The following PPFIA2 variants were observed in gnomAD, a reference collection of about 807,000 sequenced individuals.
PPFIA2 encodes the protein liprin-alpha-2.
In PPFIA2, 46 loss-of-function variants were observed where a neutral mutation model predicts 175.5. The ratio of observed to expected loss-of-function variants is 0.26; its 90% confidence interval spans 0.21 to 0.34. The LOEUF is 0.34. Ranked by LOEUF, PPFIA2 falls within the 10% of genes least tolerant of loss-of-function variation. The pLI is 1.00. For synonymous variants in PPFIA2, 568 were observed against 511.4 expected (o/e 1.11, Z -1.49); for missense variants, 1,179 against 1,506.1 (o/e 0.78, Z 3.60).
At chr12:81,439,942 C>T in intron 7 of PPFIA2, 30 bp downstream of exon 7, 2 of 1,577,870 alleles carry the variant, frequency 1.3e-6, no homozygotes, top group Non-Finnish European at 1.7e-6. Context: ...GATATTGCAC[C>T]TCAAAAGAGG....
chr12:81,710,180 T>C (rs957904385), intron 3 of PPFIA2, among the ~76,000 whole-genome samples: 1 of 151,950 alleles, frequency 6.6e-6, no homozygotes, highest in Admixed American at 6.6e-5. Context: ...ATTTTATATA[T>C]CTTGGGGCAT....
Position 81,357,073 on chromosome 12 carries a change from T to C in PPFIA2, c.1773+1009A>G, listed in dbSNP as rs1008552795. Among the ~76,000 whole-genome samples the C allele has an allele frequency of 3.9e-5, 6 of 152,166 alleles. No homozygotes were observed. In the East Asian group the frequency reaches 7.7e-4, roughly 20 times the overall value. ...ATTGGTTTTTATTTTTGTGATCATA[T>C]AAAATGATTTCTATGGAAGACCACA... On this transcript the variant is annotated intron_variant, in intron 16 of 32. Transcript: ENST00000549396.
intron 4 of PPFIA2, among the ~76,000 whole-genome samples, chr12:81,530,673 A>C (rs1448929041): frequency 1.3e-5 from 2 of 151,738 alleles, no homozygotes; most frequent in Non-Finnish European, 2.9e-5. Context: ...TCAGCTGAAG[A>C]GGGTACAGTC....
chr12:81,744,974 G>A (rs1243545135), intron 3 of PPFIA2, among the ~76,000 whole-genome samples: 2 of 151,764 alleles, frequency 1.3e-5, no homozygotes, highest in East Asian at 3.9e-4. Context: ...AGCCTCATTG[G>A]AATGTTCGGA....
intron 14 of PPFIA2, among the ~76,000 whole-genome samples, chr12:81,365,331 G>T (rs2032822743): frequency 6.6e-6 from 1 of 151,712 alleles, no homozygotes; most frequent in African/African-American, 2.4e-5. Flanking sequence ...CATCTAAATG[G>T]GATGATAGTT....
chr12:81,481,494 C>T (rs1224123797), intron 4 of PPFIA2, among the ~76,000 whole-genome samples: 2 of 152,116 alleles, frequency 1.3e-5, no homozygotes, highest in African/African-American at 2.4e-5. Context: ...GCAAACGATG[C>T]TACAAGGCTA....
intron 4 of PPFIA2, among the ~76,000 whole-genome samples, chr12:81,574,301 C>T (rs147988735): frequency 6.6e-6 from 1 of 151,678 alleles, no homozygotes; most frequent in Non-Finnish European, 1.5e-5. Flanking sequence ...TATTTAATAG[C>T]AAAAGATGAT....
chr12:81,351,590 C>T (rs548879327), intron 17 of PPFIA2, among the ~76,000 whole-genome samples: 68 of 152,046 alleles, frequency 4.5e-4, no homozygotes, highest in Admixed American at 2.5e-3. Context: ...ATTAAACAGC[C>T]ACAAGCACTA....
chr12:81,621,921 G>A (rs927415565), intron 4 of PPFIA2, among the ~76,000 whole-genome samples: 2 of 152,154 alleles, frequency 1.3e-5, no homozygotes, highest in African/African-American at 2.4e-5. Context: ...GGAATCCTCA[G>A]TATATAGACT....
At chr12:81,620,724 T>C (rs987633775) in intron 4 of PPFIA2, among the ~76,000 whole-genome samples, 1 of 152,180 alleles carries the variant, frequency 6.6e-6, no homozygotes, top group African/African-American at 2.4e-5. Flanking sequence ...GAGGACAGAA[T>C]CTGGTAGGAG....
intron 24 of PPFIA2, among the ~76,000 whole-genome samples, chr12:81,285,693 C>A (rs571668973): frequency 6.6e-6 from 1 of 152,056 alleles, no homozygotes; most frequent in African/African-American, 2.4e-5. Flanking sequence ...CTAGTGTAAA[C>A]AAACCTATTG....
At chr12:81,677,455 C>T (rs975906832) in intron 3 of PPFIA2, among the ~76,000 whole-genome samples, 59 of 151,912 alleles carry the variant, frequency 3.9e-4, no homozygotes, top group African/African-American at 1.3e-3. Context: ...TTTTATCTAA[C>T]TGTAGATAAA....
Position 81,258,042 on chromosome 12 carries a change from C to CA in PPFIA2, c.*1651dup, listed in dbSNP as rs1376062315. Reference sequence around the variant, plus strand: ...TTTCATTTCTATGAATCAAGATGCCCATGTTTAGATGAGCTTAGAAAGCTA... The same window carrying CA: ...TTTCATTTCTATGAATCAAGATGCCCAATGTTTAGATGAGCTTAGAAAGCTA... On this transcript the variant is annotated 3_prime_UTR_variant, in exon 33 of 33. Transcript: ENST00000549396. 1 of 151,954 alleles carries CA rather than the reference C, an allele frequency of 6.6e-6. No homozygotes were observed. The highest frequency in any genetic ancestry group is 6.6e-5 in the Admixed American group (1 of 15,236). 9.4% of individuals were successfully genotyped at this position (151,954 alleles called of 1,614,324 possible).
chr12:81,664,603 T>C (rs1000137258), intron 4 of PPFIA2, among the ~76,000 whole-genome samples: 65 of 152,190 alleles, frequency 4.3e-4, no homozygotes, highest in Non-Finnish European at 8.2e-4. Flanking sequence ...TGTAAACTAG[T>C]TCAACCATTG....
chr12:81,358,890 T>C (rs1480206297), intron 15 of PPFIA2, among the ~76,000 whole-genome samples: 1 of 152,106 alleles, frequency 6.6e-6, no homozygotes, highest in Non-Finnish European at 1.5e-5. Context: ...ATAAGCACAT[T>C]TGATTCTTAA....
At chr12:81,607,887 C>T (rs1042716224) in intron 4 of PPFIA2, among the ~76,000 whole-genome samples, 8 of 151,870 alleles carry the variant, frequency 5.3e-5, no homozygotes, top group South Asian at 2.1e-4. Flanking sequence ...TCAAGGGGGA[C>T]GGTTCTAGTT....
intron 4 of PPFIA2, among the ~76,000 whole-genome samples, chr12:81,580,271 C>A (rs2074208863): frequency 6.6e-6 from 1 of 151,756 alleles, no homozygotes; most frequent in African/African-American, 2.4e-5. Flanking sequence ...GTATTCCTAT[C>A]TGCCCCATTT....
At chr12:81,743,314 G>A (rs11114995) in intron 3 of PPFIA2, among the ~76,000 whole-genome samples, 25,686 of 149,086 alleles carry the variant, frequency 0.17, 2,651 homozygotes, top group Middle Eastern at 0.29. Context: ...CTACTGGGGA[G>A]GCTGAGGCAG....
intron 22 of PPFIA2, chr12:81,312,054 G>A (rs2051042707): frequency 9.9e-7 from 1 of 1,013,760 alleles, no homozygotes; most frequent in African/African-American, 1.6e-5. Context: ...CAGGTCAGAG[G>A]CAGTGCAGCT....
Sources: allele counts gnomAD v4.1 joint callset (sites outside exome capture counted in the v4.1 genomes callset), GRCh38; gene constraint gnomAD v4.1.1; transcripts MANE v1.5; gene names NCBI Gene and HGNC (gene_info 2026-07-23, HGNC 2026-07-21).